Variants in MAML2 observed in about 807,000 individuals in gnomAD.
MAML2 encodes the protein mastermind like transcriptional coactivator 2.
Under a neutral mutation model 96.1 loss-of-function variants are expected in MAML2, and 22 were observed. The ratio of observed to expected loss-of-function variants is 0.23; its 90% CI spans 0.16 to 0.33. The LOEUF (loss-of-function observed/expected upper bound fraction) is 0.33, where lower values mean the gene tolerates loss of function less well. Among genes scored for constraint, MAML2 ranks in the 10% least tolerant of loss-of-function variants. The pLI is 1.00. For missense variants in MAML2, 1,367 were observed against 1,392.4 expected, an observed-to-expected ratio of 0.98 and a Z score of 0.29; for synonymous variants, 561 against 521.3, an observed-to-expected ratio of 1.08 and a Z score of -1.04.
intron 1 of MAML2, among the ~76,000 whole-genome samples, chr11:96,113,894 G>C (rs978589647): frequency 6.6e-6 from 1 of 152,006 alleles, no homozygotes; most frequent in Admixed American, 6.6e-5. Context: ...GAGAGAATTT[G>C]AAGTCATTCA....
At chr11:96,339,051 C>T (rs1300400323) in intron 1 of MAML2, among the ~76,000 whole-genome samples, 1 of 152,168 alleles carries the variant, frequency 6.6e-6, no homozygotes, top group Admixed American at 6.5e-5. Context: ...GAGGGAATTT[C>T]CAACAACCCG....
intron 1 of MAML2, among the ~76,000 whole-genome samples, chr11:96,159,716 G>A (rs1195647716): frequency 1.3e-5 from 2 of 152,082 alleles, no homozygotes; most frequent in African/African-American, 4.8e-5. Context: ...GAGCGACCGC[G>A]CCCGGCCTAA....
chr11:96,143,146 C>T (rs1417228817), intron 1 of MAML2, among the ~76,000 whole-genome samples: 1 of 152,222 alleles, frequency 6.6e-6, no homozygotes, highest in Non-Finnish European at 1.5e-5. Context: ...GAATACAACA[C>T]AGCAGGGTGT....
At chr11:96,328,522 A>G (rs541775550) in intron 1 of MAML2, among the ~76,000 whole-genome samples, 115 of 152,014 alleles carry the variant, frequency 7.6e-4, no homozygotes, top group Non-Finnish European at 1.1e-3. Flanking sequence ...AGAGCCTAAG[A>G]TGTGATCCAC....
At chr11:95,993,014 T>C (rs2135711141) in intron 2 of MAML2, among the ~76,000 whole-genome samples, 1 of 152,178 alleles carries the variant, frequency 6.6e-6, no homozygotes, top group East Asian at 1.9e-4. Flanking sequence ...CTAAAGTGCC[T>C]GGGACCACAG....
intron 2 of MAML2, among the ~76,000 whole-genome samples, chr11:96,063,113 G>A (rs552776284): frequency 2.0e-5 from 3 of 152,050 alleles, no homozygotes; most frequent in Non-Finnish European, 2.9e-5. Flanking sequence ...TTCTTTCCCA[G>A]TACATTCCTG....
At chr11:96,069,567 C>T (rs781188504) in intron 2 of MAML2, among the ~76,000 whole-genome samples, 4 of 152,066 alleles carry the variant, frequency 2.6e-5, no homozygotes, top group Non-Finnish European at 5.9e-5. Context: ...CTCTCAGCCA[C>T]TGGAGAGGCT....
rs763420579 is a variant in MAML2, at chr11:95,979,707, G to GTTT, written c.2709_2711dup (p.Gln903_Asn904insLys). 9.9e-6 allele frequency: 16 copies of GTTT among 1,613,854 alleles called. No individual in the cohort carries two copies. In the Admixed American group the frequency reaches 2.7e-4, roughly 27 times the overall value. ...TAGGTGGCCGTGGCATCATAGGGTT[G>GTTT]TTTTGATTTGCTAACAATTGCTTTG... On this transcript the variant is annotated inframe_insertion, in exon 5 of 5. Transcript: ENST00000524717.
rs538920694 is a variant in MAML2, at chr11:95,976,800, T to C, written c.*2148A>G. ...TAACTGGGAAGTGCTGGCAGATATATACAGTAACATGGAGGAGCCATACAA... is the reference window on the plus strand; with the variant it reads ...TAACTGGGAAGTGCTGGCAGATATACACAGTAACATGGAGGAGCCATACAA... On this transcript the variant is annotated 3_prime_UTR_variant, in exon 5 of 5. Transcript: ENST00000524717. 3.2e-5 allele frequency: 6 copies of C among 185,258 alleles called. No individual in the cohort carries two copies. The South Asian group carries it at 9.8e-4, about 30-fold the overall frequency. The allele number at this position is 185,258 out of a possible 1,614,324, so 11.5% of individuals were successfully genotyped here. A position where few individuals can be genotyped will look rare whatever the true frequency, so the allele number is the denominator to read the frequency against.
chr11:96,212,566 C>A (rs1481581244), intron 1 of MAML2, among the ~76,000 whole-genome samples: 4 of 152,170 alleles, frequency 2.6e-5, no homozygotes, highest in African/African-American at 9.7e-5. Context: ...TATCAGTCAG[C>A]AGCAGTGGGT....
At chr11:96,047,931 AAAAG>A (rs1348787875) in intron 2 of MAML2, among the ~76,000 whole-genome samples, 1 of 75,552 alleles carries the variant, frequency 1.3e-5, no homozygotes. Context: ...AAAAAAAAAA[AAAAG>A]AAAAAAGAGA....
chr11:96,141,069 C>CTAA (rs1860723209), intron 1 of MAML2, among the ~76,000 whole-genome samples: 1 of 152,106 alleles, frequency 6.6e-6, no homozygotes, highest in Admixed American at 6.5e-5. Context: ...ATACTGTTGA[C>CTAA]CATATCTTTA....
intron 2 of MAML2, among the ~76,000 whole-genome samples, chr11:96,071,217 A>G (rs1482435601): frequency 6.6e-6 from 1 of 152,258 alleles, no homozygotes; most frequent in African/African-American, 2.4e-5. Flanking sequence ...AACTATGAAG[A>G]ACTGTAGAGT....
intron 2 of MAML2, among the ~76,000 whole-genome samples, chr11:96,069,517 A>T (rs1397361178): frequency 6.6e-6 from 1 of 151,830 alleles, no homozygotes; most frequent in Non-Finnish European, 1.5e-5. Flanking sequence ...CTACAAAAAA[A>T]GTACACAAAA....
chr11:96,183,395 C>T (rs1388149641), intron 1 of MAML2, among the ~76,000 whole-genome samples: 2 of 75,822 alleles, frequency 2.6e-5, no homozygotes, highest in Non-Finnish European at 5.1e-5. Flanking sequence ...TCCGTTCCTC[C>T]CCCCCCCCCC....
In MAML2 at chr11:96,120,046, C is replaced by T. The variant is rs557475191; in HGVS notation, c.514-26529G>A. Among the ~76,000 whole-genome samples the T allele has an allele frequency of 2.0e-5, 3 of 151,934 alleles. No homozygotes were observed. In the East Asian group the frequency reaches 5.8e-4, roughly 29 times the overall value. On this transcript the variant is annotated intron_variant, in intron 1 of 4. Coordinates refer to ENST00000524717, the MANE Select transcript of MAML2 (RefSeq NM_032427.4). ...GATCTCAGCTCACTGCAAGCTCCGCCTCCCAGGTTCACGCCATTCTCCTGC... is the reference window on the plus strand; with the variant it reads ...GATCTCAGCTCACTGCAAGCTCCGCTTCCCAGGTTCACGCCATTCTCCTGC...
intron 2 of MAML2, among the ~76,000 whole-genome samples, chr11:96,006,080 G>C (rs956687737): frequency 6.6e-6 from 1 of 152,064 alleles, no homozygotes; most frequent in African/African-American, 2.4e-5. Context: ...TATTATAATG[G>C]ACAGAAAGGA....
intron 1 of MAML2, among the ~76,000 whole-genome samples, chr11:96,215,684 G>A (rs142997008): frequency 1.2e-3 from 186 of 151,900 alleles, no homozygotes; most frequent in Non-Finnish European, 1.9e-3. Context: ...TCCTGGGCTC[G>A]TTCCTGCACT....
At chr11:96,061,814 A>G (rs990541105) in intron 2 of MAML2, among the ~76,000 whole-genome samples, 1 of 149,862 alleles carries the variant, frequency 6.7e-6, no homozygotes, top group Non-Finnish European at 1.5e-5. Flanking sequence ...TTAATATCTT[A>G]ATTTTTCTTT....
Sources: gnomAD v4.1 joint callset for allele counts (sites outside exome capture counted in the v4.1 genomes callset) on GRCh38, gnomAD v4.1.1 for gene constraint, MANE v1.5 for transcripts, NCBI Gene and HGNC (gene_info 2026-07-23, HGNC 2026-07-21) for gene names.